Variants in FNDC3B observed in about 807,000 individuals in gnomAD.
The protein encoded by FNDC3B is fibronectin type III domain containing 3B.
FNDC3B carries 12 observed loss-of-function variants against 151.5 expected under a neutral mutation model. The observed-to-expected ratio is 0.08, with a 90% CI of 0.05 to 0.13. The LOEUF is 0.13. Among genes scored for constraint, FNDC3B ranks in the 10% least tolerant of loss-of-function variants. The probability of loss-of-function intolerance (pLI) is 1.00; values close to 1 mark genes in which losing one functional copy is unlikely to be tolerated. For missense variants in FNDC3B, 1,214 were observed against 1,505.3 expected (o/e 0.81, Z 3.20); for synonymous variants, 528 against 549.0 (o/e 0.96, Z 0.54).
At chr3:172,390,376 T>C (rs1270615791) in intron 25 of FNDC3B, among the ~76,000 whole-genome samples, 3 of 152,188 alleles carry the variant, frequency 2.0e-5, no homozygotes, top group African/African-American at 7.2e-5. Context: ...TTTTGCCTAA[T>C]GGTACAAGAA....
intron 13 of FNDC3B, among the ~76,000 whole-genome samples, chr3:172,332,271 G>A (rs1224854627): frequency 1.3e-5 from 2 of 152,172 alleles, no homozygotes; most frequent in Non-Finnish European, 2.9e-5. Flanking sequence ...AGCTCAGCCA[G>A]TACTGAGTTT....
At chr3:172,262,116 G>A (rs1427536640) in intron 6 of FNDC3B, among the ~76,000 whole-genome samples, 1 of 152,202 alleles carries the variant, frequency 6.6e-6, no homozygotes, top group African/African-American at 2.4e-5. Context: ...AATGAAAGGA[G>A]CACACAGTGG....
chr3:172,082,075 G>GTC (rs1718306931), intron 1 of FNDC3B, among the ~76,000 whole-genome samples: 1 of 152,184 alleles, frequency 6.6e-6, no homozygotes, highest in African/African-American at 2.4e-5. Context: ...TGAGATGCAA[G>GTC]TCAGGGGAGC....
chr3:172,204,544 G>T (rs1442211012), intron 3 of FNDC3B, among the ~76,000 whole-genome samples: 1 of 152,184 alleles, frequency 6.6e-6, no homozygotes, highest in Non-Finnish European at 1.5e-5. Flanking sequence ...ATGGGTGACA[G>T]AGTTTTATTC....
chr3:172,268,926 G>A (rs1401597243), intron 6 of FNDC3B, among the ~76,000 whole-genome samples: 2 of 152,176 alleles, frequency 1.3e-5, no homozygotes, highest in African/African-American at 2.4e-5. Flanking sequence ...AGGACTTTGG[G>A]AAAAACTATT....
At chr3:172,367,682 G>A (rs1734700706) in intron 23 of FNDC3B, among the ~76,000 whole-genome samples, 1 of 152,182 alleles carries the variant, frequency 6.6e-6, no homozygotes, top group African/African-American at 2.4e-5. Flanking sequence ...TAACAGAATC[G>A]GAGTTGATGC....
intron 11 of FNDC3B, among the ~76,000 whole-genome samples, chr3:172,314,496 C>T (rs1731679984): frequency 6.6e-6 from 1 of 152,206 alleles, no homozygotes; most frequent in Non-Finnish European, 1.5e-5. Flanking sequence ...TATGCAACCA[C>T]TAATGTCCAG....
At chr3:172,359,017 G>GTGA (rs1560098697) in intron 22 of FNDC3B, among the ~76,000 whole-genome samples, 16 of 131,304 alleles carry the variant, frequency 1.2e-4, no homozygotes, top group African/African-American at 4.2e-4. Context: ...GGTGGTGGTG[G>GTGA]TGATGGTGGC....
intron 1 of FNDC3B, among the ~76,000 whole-genome samples, chr3:172,068,304 C>A (rs1563436): frequency 2.6e-5 from 4 of 152,028 alleles, no homozygotes; most frequent in African/African-American, 7.2e-5. Context: ...TGGACTGGCT[C>A]GACCATGGCT....
At chr3:172,333,386 A>T (rs566856471) in intron 14 of FNDC3B, among the ~76,000 whole-genome samples, 3 of 151,576 alleles carry the variant, frequency 2.0e-5, no homozygotes, top group Non-Finnish European at 4.4e-5. Flanking sequence ...CAGTGGCACG[A>T]TCTCGGCTCA....
chr3:172,236,213 T>C (rs533713808), intron 4 of FNDC3B, among the ~76,000 whole-genome samples: 1 of 152,302 alleles, frequency 6.6e-6, no homozygotes, highest in South Asian at 2.1e-4. Flanking sequence ...CAGGATTAGA[T>C]TTGATTTTTG....
At chr3:172,203,710 G>A (rs985710298) in intron 3 of FNDC3B, among the ~76,000 whole-genome samples, 1 of 152,212 alleles carries the variant, frequency 6.6e-6, no homozygotes, top group Non-Finnish European at 1.5e-5. Flanking sequence ...CATCCCATGA[G>A]AATCCATCAT....
chr3:172,276,048 C>T (rs569853118), intron 6 of FNDC3B, among the ~76,000 whole-genome samples: 48 of 152,270 alleles, frequency 3.2e-4, no homozygotes, highest in African/African-American at 1.2e-3. Context: ...TTTGTTTCTG[C>T]TTTCTGGAAG....
chr3:172,149,045 A>G (rs1182101417), intron 3 of FNDC3B, among the ~76,000 whole-genome samples: 1 of 152,210 alleles, frequency 6.6e-6, no homozygotes, highest in African/African-American at 2.4e-5. Flanking sequence ...GCTCTGGATA[A>G]TGTATTTAGG....
At chr3:172,256,175 C>G (rs145434058) in intron 6 of FNDC3B, among the ~76,000 whole-genome samples, 1 of 152,186 alleles carries the variant, frequency 6.6e-6, no homozygotes, top group Admixed American at 6.5e-5. Context: ...GGTGTTCTGC[C>G]CCATTTTGTG....
At chr3:172,383,406 G>A (rs1000799990) in intron 25 of FNDC3B, among the ~76,000 whole-genome samples, 4 of 152,066 alleles carry the variant, frequency 2.6e-5, no homozygotes, top group Admixed American at 1.3e-4. Flanking sequence ...TCATGTCATC[G>A]AGGAGAAGTA....
chr3:172,260,565 T>C lies in FNDC3B; in HGVS notation c.790+9024T>C, dbSNP rs561743774. On this transcript the variant is annotated intron_variant, in intron 6 of 25. Coordinates refer to ENST00000415807, the MANE Select transcript of FNDC3B (RefSeq NM_022763.4). ...GAAAGACCATGAGATTTTTTCCTTG[T>C]GAGAACTGCTTTCTGTGGGCCATTT... Among the ~76,000 whole-genome samples, 25 of 152,372 alleles carry C rather than the reference T, an allele frequency of 1.6e-4. No individual in the cohort carries two copies. The South Asian group carries it at 5.2e-3, about 32-fold the overall frequency.
rs2108529257 is a variant in FNDC3B, at chr3:172,105,707, C to A, written c.-28-6745C>A. On this transcript the variant is annotated intron_variant, in intron 1 of 25. Coordinates refer to ENST00000415807, the MANE Select transcript of FNDC3B (RefSeq NM_022763.4). ...AGCTCAAGCAGTCTGTCTGCCTTGG[C>A]CTCCCAAAGTGCTGGGATTACAGGC... is the stretch of plus-strand genomic sequence containing the variant. Among the ~76,000 whole-genome samples, 4 of 151,910 alleles carry A rather than the reference C, an allele frequency of 2.6e-5. No homozygotes were observed. The South Asian group carries it at 8.3e-4, about 32-fold the overall frequency.
intron 6 of FNDC3B, among the ~76,000 whole-genome samples, chr3:172,254,993 T>G (rs1299145849): frequency 6.6e-6 from 1 of 152,226 alleles, no homozygotes; most frequent in Admixed American, 6.5e-5. Context: ...AATATAATGG[T>G]AACCCTTATG....
Sources: allele counts gnomAD v4.1 joint callset (sites outside exome capture counted in the v4.1 genomes callset), GRCh38; gene constraint gnomAD v4.1.1; transcripts MANE v1.5; gene names NCBI Gene and HGNC (gene_info 2026-07-23, HGNC 2026-07-21).